ARHGEF18: variants seen among roughly 807,000 people sequenced by gnomAD.
ARHGEF18 encodes the protein rho guanine nucleotide exchange factor 18.
Under a neutral mutation model 155.7 loss-of-function variants are expected in ARHGEF18, and 93 were observed. The ratio of observed to expected loss-of-function variants is 0.60; its 90% CI spans 0.50 to 0.71. The LOEUF is 0.71. Ranked by LOEUF, ARHGEF18 falls within the 30% of genes least tolerant of loss-of-function variation. ARHGEF18 has a pLI of 0.00. For synonymous variants in ARHGEF18, 742 were observed against 753.1 expected (o/e 0.99, Z 0.24); for missense variants, 1,593 against 1,816.1 (o/e 0.88, Z 2.23).
rs150781030 is a variant in ARHGEF18 at position 7,380,140 on chromosome 19, T to G, written c.645-777T>G. Among the ~76,000 whole-genome samples, 19 of 148,936 alleles carry G rather than the reference T, an allele frequency of 1.3e-4. No homozygotes were observed. In the East Asian group the frequency reaches 3.4e-3, roughly 26 times the overall value. On this transcript the variant is annotated intron_variant, in intron 7 of 28. Transcript: ENST00000668164. The stretch of plus-strand genomic sequence containing the variant: ...CTGCCATGAGCCATGATTATGCCAC[T>G]GCACACCAGCCTGAGCAACAGAGCA...
intron 10 of ARHGEF18, among the ~76,000 whole-genome samples, chr19:7,418,446 G>A (rs375350479): frequency 9.9e-5 from 15 of 152,170 alleles, no homozygotes; most frequent in East Asian, 9.7e-4. Context: ...GTAGAAATGG[G>A]GTTTTGCAAT....
In ARHGEF18 at chr19:7,466,936, G is replaced by A; in HGVS notation, c.2923G>A (p.Glu975Lys). The A allele has an allele frequency of 1.2e-6, 2 of 1,613,544 alleles. No homozygotes were observed. The highest frequency in any genetic ancestry group is 1.7e-6 in the Non-Finnish European group (2 of 1,180,000). Residue 975 changes from glutamate (E) to lysine (K), a missense_variant, in exon 24 of 29, where the codon GAA becomes AAA. Physicochemically the swap from Glu to Lys is moderately conservative, Grantham distance 56. Transcript: ENST00000668164. ...SPQVVEAPGT[E>K]SDPRLPTVLE... ...TTCCCAGGTGGAGGCGCCAGGCACGGAATCCGATCCCCGTCTGCCCACCGT... is the reference window on the plus strand; with the variant it reads ...TTCCCAGGTGGAGGCGCCAGGCACGAAATCCGATCCCCGTCTGCCCACCGT...
downstream of ARHGEF18, chr19:7,472,722 C>G (rs1977098418): frequency 2.1e-5 from 6 of 292,058 alleles, no homozygotes; most frequent in South Asian, 1.9e-4. Context: ...TTTTTTGAGA[C>G]AGAGTCTTGC....
rs776573190 is a variant in ARHGEF18 at position 7,451,219 on chromosome 19, T to C, written c.1808T>C (p.Ile603Thr). The C allele has an allele frequency of 2.1e-5, 33 of 1,608,680 alleles. 1 individual carries two copies. The South Asian group carries it at 3.5e-4, about 17-fold the overall frequency. ...TGCATTCTCCTGGTTACACAACGCA[T>C]AACCAAATACCCAGTGCTGGTGGAG... ...QECILLVTQRITKYPVLVERI... is the reference protein window; with the variant it reads ...QECILLVTQRTTKYPVLVERI... Residue 603 changes from isoleucine to threonine, a missense_variant, in exon 16 of 29, where the codon ATA (isoleucine) becomes ACA (threonine). Ile to Thr is a moderately conservative substitution (Grantham distance 89). Coordinates refer to ENST00000668164, the MANE Select transcript of ARHGEF18 (RefSeq NM_001367823.1).
intron 17 of ARHGEF18, among the ~76,000 whole-genome samples, chr19:7,455,139 G>A (rs1174710140): frequency 6.6e-6 from 1 of 152,174 alleles, no homozygotes; most frequent in African/African-American, 2.4e-5. Context: ...GACAGCACTT[G>A]CCCACTCATC....
chr19:7,367,039 G>A (rs1262780298), intron 2 of ARHGEF18, among the ~76,000 whole-genome samples: 1 of 151,994 alleles, frequency 6.6e-6, no homozygotes, highest in Non-Finnish European at 1.5e-5. Flanking sequence ...TGGGATTACA[G>A]GTGTGAGCCA....
At chr19:7,434,539 G>A (rs1974147772) in intron 10 of ARHGEF18, among the ~76,000 whole-genome samples, 1 of 152,160 alleles carries the variant, frequency 6.6e-6, no homozygotes, top group Non-Finnish European at 1.5e-5. Flanking sequence ...CTCAGCAGTG[G>A]GCAGGAGGCG....
At chr19:7,367,527 ACC>A (rs1969939316) in intron 2 of ARHGEF18, among the ~76,000 whole-genome samples, 1 of 151,808 alleles carries the variant, frequency 6.6e-6, no homozygotes, top group East Asian at 1.9e-4. Flanking sequence ...CAGGCAGATC[ACC>A]TGAGGTCAGG....
rs763661136 is a variant in ARHGEF18, at chr19:7,447,176, C to A, written c.1737+8C>A. ...TTTCAAAACTTGATCAAGGTAAAAA[C>A]AATTTTTTTTTTTAATCAAAAACTT... On this transcript the variant is annotated splice_region_variant and intron_variant, in intron 15 of 28. Transcript: ENST00000668164. 4 of 1,595,062 alleles carry A rather than the reference C, an allele frequency of 2.5e-6. No individual in the cohort carries two copies. The highest frequency in any genetic ancestry group is 3.4e-6 in the Non-Finnish European group (4 of 1,168,844).
chr19:7,367,881 TA>T (rs1568270338), intron 2 of ARHGEF18, among the ~76,000 whole-genome samples: 1 of 39,428 alleles, frequency 2.5e-5, no homozygotes, highest in Non-Finnish European at 3.8e-5. Context: ...TATATATATA[TA>T]TTTTATATAT....
intron 17 of ARHGEF18, among the ~76,000 whole-genome samples, chr19:7,454,007 A>G (rs1312358059): frequency 1.3e-5 from 2 of 149,222 alleles, no homozygotes; most frequent in African/African-American, 5.0e-5. Context: ...TGGTAGCACC[A>G]TCTTGGGAGT....
At position 7,440,261 on chromosome 19, in the gene ARHGEF18, G is replaced by T. The variant is rs201598844; in HGVS notation, c.968-83G>T. On this transcript the variant is annotated intron_variant, in intron 10 of 28. Transcript: ENST00000668164. The surrounding 1 kb of genome is among the most constrained non-coding windows in gnomAD (Gnocchi z 5.4). Reference sequence around the variant, plus strand: ...AGATCCTGTCTGTGCTGCGGCCGCAGTCGGAGCGGGGCTTCCGCGCCGGGG... The same window carrying T: ...AGATCCTGTCTGTGCTGCGGCCGCATTCGGAGCGGGGCTTCCGCGCCGGGG... The T allele has an allele frequency of 1.6e-4, 251 of 1,556,706 alleles. 1 individual carries two copies. Among genetic ancestry groups the T allele is most frequent in the South Asian group, 1.3e-4 (11 of 84,862 alleles).
At chr19:7,413,023 G>A (rs1007796906) in intron 10 of ARHGEF18, among the ~76,000 whole-genome samples, 2 of 152,066 alleles carry the variant, frequency 1.3e-5, no homozygotes, top group South Asian at 2.1e-4. Flanking sequence ...ACAGTTTCCC[G>A]TGACCTTTGG....
intron 2 of ARHGEF18, among the ~76,000 whole-genome samples, chr19:7,368,805 A>G (rs932585074): frequency 6.6e-6 from 1 of 152,122 alleles, no homozygotes; most frequent in Non-Finnish European, 1.5e-5. Flanking sequence ...GTAAGTGGGA[A>G]TTTGAAAGGA....
In ARHGEF18 at chr19:7,383,130, G is replaced by A. The variant is rs1466763303; in HGVS notation, c.894G>A (p.Gly298=). ...GAGAGAGGCGGGAGTGTGTCAATGG[G>A]CACCAGCTGTTGCAAGGGACCTTCT... ...DARERRECVN[G]HQLLQGTFSG... Residue 298 remains glycine, a synonymous_variant, in exon 10 of 29, where the codon GGG becomes GGA. Transcript: ENST00000668164. 5 of 1,232,174 alleles carry A rather than the reference G, an allele frequency of 4.1e-6. No individual in the cohort carries two copies. Among genetic ancestry groups the A allele is most frequent in the Non-Finnish European group, 5.1e-6 (5 of 988,112 alleles). 76.3% of individuals were successfully genotyped at this position (1,232,174 alleles called of 1,614,324 possible).
downstream of ARHGEF18, among the ~76,000 whole-genome samples, chr19:7,474,810 A>C (rs1599197358): frequency 4.3e-5 from 5 of 116,630 alleles, no homozygotes; most frequent in African/African-American, 1.4e-4. Flanking sequence ...GATTTGCTCC[A>C]CCCCAACCCC....
At chr19:7,451,403 C>CTTT in intron 16 of ARHGEF18, 137 bp downstream of exon 16, 2 of 526,254 alleles carry the variant, frequency 3.8e-6, no homozygotes, top group African/African-American at 2.4e-5. Context: ...GGGGTTCCTT[C>CTTT]CTTTTTTTTT....
At position 7,386,824 on chromosome 19, in the gene ARHGEF18, C is replaced by T. The variant is rs556554643; in HGVS notation, c.967+3621C>T. Among the ~76,000 whole-genome samples, 48 of 152,200 alleles carry T rather than the reference C, an allele frequency of 3.2e-4. 2 individuals carry two copies. In the South Asian group the frequency reaches 9.8e-3, roughly 31 times the overall value. On this transcript the variant is annotated intron_variant, in intron 10 of 28. Coordinates refer to ENST00000668164, the MANE Select transcript of ARHGEF18 (RefSeq NM_001367823.1). Reference sequence around the variant, plus strand: ...ACCTCCACCTAGACTCCTATCAGGGCAGACAGGCTTCAGTGGCCCCTGTGT... The same window carrying T: ...ACCTCCACCTAGACTCCTATCAGGGTAGACAGGCTTCAGTGGCCCCTGTGT...
intron 2 of ARHGEF18, among the ~76,000 whole-genome samples, chr19:7,370,217 T>G (rs959456938): frequency 6.6e-6 from 1 of 151,070 alleles, no homozygotes; most frequent in Non-Finnish European, 1.5e-5. Context: ...AAATAGGGGC[T>G]GGGCGCGGTG....
Sources: gnomAD v4.1 joint callset for allele counts (sites outside exome capture counted in the v4.1 genomes callset) on GRCh38, gnomAD v4.1.1 for gene constraint, Gnocchi (gnomAD v3.1) non-coding constraint, MANE v1.5 for transcripts, NCBI Gene and HGNC (gene_info 2026-07-23, HGNC 2026-07-21) for gene names.